Variants in KLHDC9 observed in about 807,000 individuals in gnomAD.
KLHDC9 encodes the protein kelch domain containing 9, also known as kelch domain-containing protein 9.
KLHDC9 carries 26 observed loss-of-function variants against 31.5 expected under a neutral mutation model. The observed-to-expected ratio is 0.83, with a 90% CI of 0.61 to 1.15. The LOEUF is 1.15. KLHDC9 is among the 50% of genes most tolerant of loss of function. The pLI, the probability that KLHDC9 is intolerant of heterozygous loss-of-function variation, is 0.00. For synonymous variants in KLHDC9, 176 were observed against 184.7 expected, an observed-to-expected ratio of 0.95 and a Z score of 0.38; for missense variants, 437 against 467.7, an observed-to-expected ratio of 0.93 and a Z score of 0.61.
Position 161,098,449 on chromosome 1 carries a change from A to G in KLHDC9, c.-87A>G. The stretch of plus-strand genomic sequence containing the variant: ...TCCGGTAGGGGGAGGTTCCCGGGGA[A>G]GCCCGCGGAAGGCGAGGTGCCTGGC... On this transcript the variant is annotated 5_prime_UTR_variant, in exon 1 of 4. Transcript: ENST00000368011. This position sits in a 1 kb window ranked among gnomAD's most constrained non-coding sequence, Gnocchi z 6.3. 4 of 1,251,514 alleles carry G rather than the reference A, an allele frequency of 3.2e-6. No homozygotes were observed. Among genetic ancestry groups the G allele is most frequent in the Non-Finnish European group, 4.3e-6 (4 of 938,392 alleles). 77.5% of individuals were successfully genotyped at this position (1,251,514 alleles called of 1,614,324 possible).
chr1:161,098,615 C>T lies in KLHDC9; in HGVS notation c.80C>T (p.Ala27Val). The change falls in exon 1 of 4, where the codon GCT becomes GTT. Residue 27 changes from alanine to valine, a missense_variant. Transcript: ENST00000368011. This position sits in a 1 kb window ranked among gnomAD's most constrained non-coding sequence, Gnocchi z 6.3. ...CCAGTGGCGCGGGACGCGCTTTTGG[C>T]TAGAGCTTTCCATTCATGCACCGAA... ...WRPVARDALL[A>V]RAFHSCTELR... 6.2e-7 allele frequency: 1 copy of T among 1,606,616 alleles called. No individual in the cohort carries two copies. Among genetic ancestry groups the T allele is most frequent in the Non-Finnish European group, 8.5e-7 (1 of 1,176,582 alleles).
chr1:161,098,584 T>C lies in KLHDC9; in HGVS notation c.49T>C (p.Trp17Arg). Reference protein sequence around the residue: ...PGRAAGSGWAWRPVARDALLA... With the variant: ...PGRAAGSGWARRPVARDALLA... ...TCGGGCCGCAGGCTCAGGCTGGGCC[T>C]GGAGGCCAGTGGCGCGGGACGCGCT... Residue 17 changes from tryptophan to arginine, a missense_variant, in exon 1 of 4, where the codon TGG becomes CGG. Trp to Arg is a moderately radical substitution (Grantham distance 101). Transcript: ENST00000368011. This position sits in a 1 kb window ranked among gnomAD's most constrained non-coding sequence, Gnocchi z 6.3. The C allele has an allele frequency of 6.3e-7, 1 of 1,581,640 alleles. No individual in the cohort carries two copies. Among genetic ancestry groups the C allele is most frequent in the East Asian group, 2.3e-5 (1 of 42,654 alleles).
At position 161,099,781 on chromosome 1, in the gene KLHDC9, T is replaced by C; in HGVS notation, c.871T>C (p.Tyr291His). 2 of 1,608,282 alleles carry C rather than the reference T, an allele frequency of 1.2e-6. No individual in the cohort carries two copies. Among genetic ancestry groups the C allele is most frequent in the Non-Finnish European group, 1.7e-6 (2 of 1,176,284 alleles). ...RARDTICNDL[Y>H]IYDTRTSPPL... ...TAGAGACACCATCTGCAATGATCTC[T>C]ACATCTATGATACTCGTGAGAGCCA... Residue 291 changes from tyrosine (Y) to histidine (H), a missense_variant, in exon 3 of 4, where the codon TAC becomes CAC. Coordinates refer to ENST00000368011, the MANE Select transcript of KLHDC9 (RefSeq NM_152366.5).
chr1:161,100,126 C>T lies in KLHDC9; in HGVS notation c.952C>T (p.Arg318Cys), dbSNP rs769478249. ...ADRGMKRMGH[R>C]TCLWNDQLYL... ...TCGTGGGATGAAACGCATGGGCCATCGCACCTGCCTTTGGAATGATCAGCT... is the reference window on the plus strand; with the variant it reads ...TCGTGGGATGAAACGCATGGGCCATTGCACCTGCCTTTGGAATGATCAGCT... The change falls in exon 4 of 4, where the codon CGC becomes TGC. Residue 318 changes from arginine to cysteine, a missense_variant. Coordinates refer to ENST00000368011, the MANE Select transcript of KLHDC9 (RefSeq NM_152366.5). 3.0e-5 allele frequency: 48 copies of T among 1,614,008 alleles called. No homozygotes were observed. The Admixed American group carries it at 3.5e-4, about 12-fold the overall frequency.
At position 161,098,451 on chromosome 1, in the gene KLHDC9, C is replaced by A. The variant is rs1654405221; in HGVS notation, c.-85C>A. The A allele has an allele frequency of 4.7e-6, 6 of 1,277,784 alleles. No individual in the cohort carries two copies. The highest frequency in any genetic ancestry group is 6.2e-6 in the Non-Finnish European group (6 of 962,878). The allele number at this position is 1,277,784 out of a possible 1,614,324, so 79.2% of individuals were successfully genotyped here. On this transcript the variant is annotated 5_prime_UTR_variant, in exon 1 of 4. Coordinates refer to ENST00000368011, the MANE Select transcript of KLHDC9 (RefSeq NM_152366.5). This position sits in a 1 kb window ranked among gnomAD's most constrained non-coding sequence, Gnocchi z 6.3. ...CGGTAGGGGGAGGTTCCCGGGGAAG[C>A]CCGCGGAAGGCGAGGTGCCTGGCCT...
At chr1:161,099,126 G>GTTTT (rs1443329139) in intron 1 of KLHDC9, 64 bp downstream of exon 1, 1 of 1,537,246 alleles carries the variant, frequency 6.5e-7, no homozygotes, top group Non-Finnish European at 8.8e-7. Context: ...AAAAGCCTAA[G>GTTTT]CAGATTTCTC....
rs1372186533 is a variant in KLHDC9, at chr1:161,098,740, G to A, written c.205G>A (p.Val69Ile). Residue 69 changes from valine to isoleucine, a missense_variant, in exon 1 of 4, where the codon GTA (valine) becomes ATA (isoleucine). Physicochemically the swap from Val to Ile is conservative, Grantham distance 29 (BLOSUM62 3). Transcript: ENST00000368011. This position sits in a 1 kb window ranked among gnomAD's most constrained non-coding sequence, Gnocchi z 6.3. Reference sequence around the variant, plus strand: ...TTTCGACCCAGCTAGGGGCCAGGCCGTACGATTGGGAGCCCGGGGCAGCCC... The same window carrying A: ...TTTCGACCCAGCTAGGGGCCAGGCCATACGATTGGGAGCCCGGGGCAGCCC... ...VVFDPARGQA[V>I]RLGARGSPPR... is the part of the protein sequence containing the mutation. 2.5e-6 allele frequency: 4 copies of A among 1,607,496 alleles called. No individual in the cohort carries two copies. The highest frequency in any genetic ancestry group is 1.3e-5 in the African/African-American group (1 of 74,760).
chr1:161,100,033 A>G (rs924185158), intron 3 of KLHDC9, 28 bp from the exon 4 acceptor site: 10 of 1,611,682 alleles, frequency 6.2e-6, no homozygotes, highest in Non-Finnish European at 8.5e-6. Context: ...TACTGCCTCA[A>G]TAACCACCCT....
chr1:161,099,364 C>T lies in KLHDC9; in HGVS notation c.546C>T (p.Cys182=). The change falls in exon 2 of 4, where the codon TGC becomes TGT. Residue 182 remains cysteine (C), a synonymous_variant. Coordinates refer to ENST00000368011, the MANE Select transcript of KLHDC9 (RefSeq NM_152366.5). ...TCCACAGCTACAAGCAAGAAGGCTG[C>T]CACACAGCCTCACGCTCAGGTCACT... The part of the protein sequence containing the change: ...ARTYCYKQEG[C]HTASRSGHCA... 3 of 1,614,232 alleles carry T rather than the reference C, an allele frequency of 1.9e-6. No individual in the cohort carries two copies. Among genetic ancestry groups the T allele is most frequent in the African/African-American group, 1.3e-5 (1 of 75,054 alleles).
rs1313947519 is a variant in KLHDC9, at chr1:161,098,951, G to A, written c.416G>A (p.Arg139Gln). Residue 139 changes from arginine (R) to glutamine (Q), a missense_variant, in exon 1 of 4, where the codon CGA becomes CAA. Physicochemically the swap from Arg to Gln is conservative, Grantham distance 43. Transcript: ENST00000368011. The surrounding 1 kb of genome is among the most constrained non-coding windows in gnomAD (Gnocchi z 6.3). ...GGCCTCAGTAGTCACACCTGCACCC[G>A]AATCTCTGACCGAGAGCTGCAGGTG... is the stretch of plus-strand genomic sequence containing the variant. ...PAGLSSHTCT[R>Q]ISDRELQVAG... 8.2e-6 allele frequency: 13 copies of A among 1,587,534 alleles called. No homozygotes were observed. Among genetic ancestry groups the A allele is most frequent in the African/African-American group, 5.4e-5 (4 of 74,494 alleles).
rs1182737779 is a variant in KLHDC9, at chr1:161,098,843, G to A, written c.308G>A (p.Arg103His). Residue 103 changes from arginine to histidine, a missense_variant, in exon 1 of 4, where the codon CGC becomes CAC. Arg to His is a conservative substitution (Grantham distance 29). Transcript: ENST00000368011. The surrounding 1 kb of genome is among the most constrained non-coding windows in gnomAD (Gnocchi z 6.3). ...CVVGGWDGSR[R>H]LATVTALDTE... ...GTGGGCGGCTGGGACGGGTCTCGCC[G>A]CTTGGCCACAGTGACCGCACTGGAC... The A allele has an allele frequency of 6.3e-7, 1 of 1,578,274 alleles. No individual in the cohort carries two copies.
At position 161,099,412 on chromosome 1, in the gene KLHDC9, T is replaced by G. The variant is rs1455703980; in HGVS notation, c.594T>G (p.Pro198=). 6.2e-7 allele frequency: 1 copy of G among 1,614,144 alleles called. No homozygotes were observed. Among genetic ancestry groups the G allele is most frequent in the Non-Finnish European group, 8.5e-7 (1 of 1,180,054 alleles). The change falls in exon 2 of 4, where the codon CCT becomes CCG. Residue 198 remains proline, a synonymous_variant. Transcript: ENST00000368011. ...ACTGTGCGGCCCTGCTCCAAACTCC[T>G]GGACCCCATCCAGGTCATCAGCTAT... ...SGHCAALLQT[P]GPHPGHQLLL... is the part of the protein sequence containing the mutation.
At position 161,099,451 on chromosome 1, in the gene KLHDC9, T is replaced by C. The variant is rs140541574; in HGVS notation, c.633T>C (p.Gly211=). Residue 211 remains glycine (G), a synonymous_variant, in exon 2 of 4, where the codon GGT becomes GGC. Transcript: ENST00000368011. ...HPGHQLLLFG[G]CNLAEPEVAG... ...GTCATCAGCTATTGCTCTTTGGAGGTTGCAACTTAGCTGAACCAGAAGTAG... is the reference window on the plus strand; with the variant it reads ...GTCATCAGCTATTGCTCTTTGGAGGCTGCAACTTAGCTGAACCAGAAGTAG... 4.6e-5 allele frequency: 75 copies of C among 1,614,222 alleles called. No homozygotes were observed. The African/African-American group carries it at 9.5e-4, about 20-fold the overall frequency.
At position 161,100,223 on chromosome 1, in the gene KLHDC9, A is replaced by G; in HGVS notation, c.1049A>G (p.Ter350=). ...CAGGTTTGCATCCTGGACTTTATCT[A>G]AATAGTGCCAAGACACATCACTAAG... ...SPQVCILDFI[*] is the part of the protein sequence containing the mutation. The change falls in exon 4 of 4, where the codon TAA becomes TGA. Residue 350 remains the stop codon, a stop_retained_variant. Transcript: ENST00000368011. 6.2e-7 allele frequency: 1 copy of G among 1,613,990 alleles called. No homozygotes were observed. The highest frequency in any genetic ancestry group is 1.1e-5 in the South Asian group (1 of 91,052).
At position 161,099,756 on chromosome 1, in the gene KLHDC9, T is replaced by C. The variant is rs1404058696; in HGVS notation, c.846T>C (p.Ala282=). The C allele has an allele frequency of 1.9e-6, 3 of 1,613,738 alleles. No homozygotes were observed. The African/African-American group carries it at 4.0e-5, about 22-fold the overall frequency. Residue 282 remains alanine, a synonymous_variant, in exon 3 of 4, where the codon GCT becomes GCC. Transcript: ENST00000368011. ...TTGGTGGAGAAACTCTGACCAGAGCTAGAGACACCATCTGCAATGATCTCT... is the reference window on the plus strand; with the variant it reads ...TTGGTGGAGAAACTCTGACCAGAGCCAGAGACACCATCTGCAATGATCTCT... ...VLFGGETLTR[A]RDTICNDLYI... is the part of the protein sequence containing the mutation.
Position 161,098,824 on chromosome 1 carries a change from G to A in KLHDC9, c.289G>A (p.Gly97Ser), listed in dbSNP as rs1189312174. 2 of 1,579,780 alleles carry A rather than the reference G, an allele frequency of 1.3e-6. No homozygotes were observed. Residue 97 changes from glycine to serine, a missense_variant, in exon 1 of 4, where the codon GGC becomes AGC. Gly to Ser is a moderately conservative substitution (Grantham distance 56, BLOSUM62 0). Transcript: ENST00000368011. The surrounding 1 kb of genome is among the most constrained non-coding windows in gnomAD (Gnocchi z 6.3). ...VDGRWLCVVG[G>S]WDGSRRLATV... is the part of the protein sequence containing the mutation. ...CGGGCGTTGGCTCTGCGTGGTGGGC[G>A]GCTGGGACGGGTCTCGCCGCTTGGC...
chr1:161,098,512 C>A lies in KLHDC9; in HGVS notation c.-24C>A. Reference sequence around the variant, plus strand: ...GGCTCGTTCCAAGCCGCAGACCCCACCGCCCTCCCTCTCCCCGGGGCCCAT... The same window carrying A: ...GGCTCGTTCCAAGCCGCAGACCCCAACGCCCTCCCTCTCCCCGGGGCCCAT... On this transcript the variant is annotated 5_prime_UTR_variant, in exon 1 of 4. Coordinates refer to ENST00000368011, the MANE Select transcript of KLHDC9 (RefSeq NM_152366.5). This position sits in a 1 kb window ranked among gnomAD's most constrained non-coding sequence, Gnocchi z 6.3. 1 of 1,530,520 alleles carries A rather than the reference C, an allele frequency of 6.5e-7. No individual in the cohort carries two copies. Among genetic ancestry groups the A allele is most frequent in the Admixed American group, 2.1e-5 (1 of 48,350 alleles). The allele number at this position is 1,530,520 out of a possible 1,614,324, so 94.8% of individuals were successfully genotyped here.
Position 161,098,621 on chromosome 1 carries a change from C to A in KLHDC9, c.86C>A (p.Ala29Asp). ...PVARDALLAR[A>D]FHSCTELRGR... Reference sequence around the variant, plus strand: ...GCGCGGGACGCGCTTTTGGCTAGAGCTTTCCATTCATGCACCGAACTGCGG... The same window carrying A: ...GCGCGGGACGCGCTTTTGGCTAGAGATTTCCATTCATGCACCGAACTGCGG... Residue 29 changes from alanine to aspartate, a missense_variant, in exon 1 of 4, where the codon GCT (alanine) becomes GAT (aspartate). By Grantham distance (126) the Ala-to-Asp change is moderately radical. Transcript: ENST00000368011. The surrounding 1 kb of genome is among the most constrained non-coding windows in gnomAD (Gnocchi z 6.3). 6.2e-7 allele frequency: 1 copy of A among 1,608,664 alleles called. No individual in the cohort carries two copies. The highest frequency in any genetic ancestry group is 8.5e-7 in the Non-Finnish European group (1 of 1,177,556).
At position 161,100,066 on chromosome 1, in the gene KLHDC9, T is replaced by A. The variant is rs372485889; in HGVS notation, c.892T>A (p.Ser298Thr). The change falls in exon 4 of 4, where the codon TCT (serine) becomes ACT (threonine). Residue 298 changes from serine (S) to threonine (T), a missense_variant. Ser to Thr is a moderately conservative substitution (Grantham distance 58). Transcript: ENST00000368011. ...NDLYIYDTRT[S>T]PPLWFHFPCA... The stretch of plus-strand genomic sequence containing the variant: ...CCTCTGCCCGTATCCAACAGGCACA[T>A]CTCCTCCTTTGTGGTTCCACTTCCC... 344 of 1,614,208 alleles carry A rather than the reference T, an allele frequency of 2.1e-4. 10 individuals carry two copies. In the South Asian group the frequency reaches 3.7e-3, roughly 17 times the overall value.
Sources: allele counts gnomAD v4.1 joint callset, GRCh38; gene constraint gnomAD v4.1.1; non-coding constraint Gnocchi (gnomAD v3.1); transcripts MANE v1.5; gene names NCBI Gene and HGNC (gene_info 2026-07-23, HGNC 2026-07-21).